The following SMARCA4 variants were observed in gnomAD, a reference collection of about 807,000 sequenced individuals.
SMARCA4 encodes the protein SWI/SNF related BAF chromatin remodeling complex subunit ATPase 4, also known as SWI/SNF-related matrix-associated actin-dependent regulator of chromatin subfamily A member 4.
Under a neutral mutation model 193.9 loss-of-function variants are expected in SMARCA4, and 31 were observed. That is an observed-to-expected ratio of 0.16 (90% CI 0.12 to 0.22). The LOEUF is 0.22. SMARCA4 is among the 10% of genes least tolerant of loss of function. SMARCA4 has a pLI of 1.00. For synonymous variants in SMARCA4, 942 were observed against 933.1 expected (o/e 1.01, Z -0.17); for missense variants, 1,148 against 2,296.0 (o/e 0.50, Z 10.22).
At chr19:11,052,997 G>A (rs999868276) in intron 30 of SMARCA4, among the ~76,000 whole-genome samples, 1 of 152,176 alleles carries the variant, frequency 6.6e-6, no homozygotes, top group Non-Finnish European at 1.5e-5. Context: ...TTCTCATCTG[G>A]CATCTGCCTC....
chr19:10,972,672 C>T lies in SMARCA4; in HGVS notation c.-31-11449C>T, dbSNP rs575574186. Among the ~76,000 whole-genome samples, 316 of 152,316 alleles carry T rather than the reference C, an allele frequency of 2.1e-3. 2 individuals carry two copies. The highest frequency in any genetic ancestry group is 7.4e-3 in the African/African-American group (306 of 41,578). On this transcript the variant is annotated intron_variant, in intron 1 of 34. Transcript: ENST00000344626. ...CTGCATCTCCCTGCCCACTCTTGGC[C>T]TTTGCATGCCTCTGTTGTGGGGACT...
intron 18 of SMARCA4, 87 bp from the exon 19 acceptor site, chr19:11,021,638 G>A (rs2146410010): frequency 1.3e-6 from 2 of 1,507,456 alleles, no homozygotes; most frequent in Non-Finnish European, 1.8e-6. Flanking sequence ...GAGCCTTCCT[G>A]GCTGCTGGGC....
chr19:11,033,721 G>A lies in SMARCA4; in HGVS notation c.3775-46G>A, dbSNP rs748541977. 1 of 780,506 alleles carries A rather than the reference G, an allele frequency of 1.3e-6. No homozygotes were observed. Among genetic ancestry groups the A allele is most frequent in the Non-Finnish European group, 2.4e-6 (1 of 419,176 alleles). The allele number at this position is 780,506 out of a possible 1,614,324, so 48.3% of individuals were successfully genotyped here. A position where few individuals can be genotyped will look rare whatever the true frequency, so the allele number is the denominator to read the frequency against. The stretch of plus-strand genomic sequence containing the variant: ...TTTTTCTAAACTGCTGGTGAAAGAC[G>A]CCGGATTGACAGCCCTGGAGACTGA... On this transcript the variant is annotated intron_variant, in intron 26 of 34. Transcript: ENST00000344626. The surrounding 1 kb of genome is among the most constrained non-coding windows in gnomAD (Gnocchi z 9.8).
intron 13 of SMARCA4, among the ~76,000 whole-genome samples, chr19:11,005,124 C>A (rs964956126): frequency 6.6e-5 from 10 of 152,226 alleles, no homozygotes; most frequent in African/African-American, 2.4e-4. Flanking sequence ...GCGTGAGCCA[C>A]CACGCCTGGC....
chr19:10,976,260 C>T (rs78469329), intron 1 of SMARCA4, among the ~76,000 whole-genome samples: 6 of 152,150 alleles, frequency 3.9e-5, no homozygotes, highest in South Asian at 2.1e-4. Flanking sequence ...CTTTCCTGGC[C>T]GTGCTCGTTT....
intron 16 of SMARCA4, among the ~76,000 whole-genome samples, chr19:11,014,798 A>G (rs2089201336): frequency 6.6e-6 from 1 of 152,000 alleles, no homozygotes; most frequent in African/African-American, 2.4e-5. Context: ...TTCATTTTGA[A>G]ATGATCTCAT....
intron 11 of SMARCA4, among the ~76,000 whole-genome samples, chr19:11,002,828 A>G (rs1749556128): frequency 6.6e-6 from 1 of 151,766 alleles, no homozygotes; most frequent in South Asian, 2.1e-4. Context: ...AAAAGAAGAA[A>G]CAAGTGTCAG....
At chr19:10,990,980 C>T (rs544873367) in intron 7 of SMARCA4, among the ~76,000 whole-genome samples, 170 bp from the exon 8 acceptor site, 2 of 152,354 alleles carry the variant, frequency 1.3e-5, no homozygotes, top group South Asian at 4.1e-4. Context: ...GTCCTGTGCT[C>T]GCCCTGCCCG....
At chr19:10,966,283 C>T (rs1402541884) in intron 1 of SMARCA4, among the ~76,000 whole-genome samples, 3 of 152,110 alleles carry the variant, frequency 2.0e-5, no homozygotes, top group Admixed American at 6.6e-5. Flanking sequence ...CGCGCCCGGC[C>T]AGGTTTTTAA....
At chr19:11,052,495 G>A (rs1408259976) in intron 30 of SMARCA4, among the ~76,000 whole-genome samples, 1 of 152,186 alleles carries the variant, frequency 6.6e-6, no homozygotes, top group Non-Finnish European at 1.5e-5. Flanking sequence ...TGGCCATACT[G>A]AGCAGCACAT....
chr19:11,013,211 T>A, intron 16 of SMARCA4, 99 bp downstream of exon 16: 1 of 1,374,098 alleles, frequency 7.3e-7, no homozygotes, highest in Non-Finnish European at 1.0e-6. Flanking sequence ...CGAGGTGGCT[T>A]AATTACAGAA....
chr19:11,028,109 A>T (rs758713659), intron 24 of SMARCA4, among the ~76,000 whole-genome samples, 159 bp downstream of exon 24: 50 of 152,116 alleles, frequency 3.3e-4, no homozygotes, highest in Non-Finnish European at 6.8e-4. Flanking sequence ...CATCTTGGGC[A>T]CTCGGCACTG....
At chr19:11,018,357 C>G in intron 16 of SMARCA4, 1 of 212,732 alleles carries the variant, frequency 4.7e-6, no homozygotes, top group Non-Finnish European at 9.6e-6. Flanking sequence ...CCACTGCATT[C>G]TGCCTGCCCC....
intron 34 of SMARCA4, among the ~76,000 whole-genome samples, chr19:11,061,204 A>AAAAAAAAATATATATAT (rs1555797070): frequency 4.4e-5 from 2 of 45,216 alleles, no homozygotes; most frequent in African/African-American, 2.3e-4. Flanking sequence ...AAAAAAAAAA[A>AAAAAAAAATATATATAT]ATATATATAT....
At chr19:11,013,682 G>C (rs1031282041) in intron 16 of SMARCA4, among the ~76,000 whole-genome samples, 29 of 152,134 alleles carry the variant, frequency 1.9e-4, no homozygotes, top group Non-Finnish European at 1.3e-4. Context: ...TCCATGCAGG[G>C]GAGTCGCAGG....
intron 19 of SMARCA4, among the ~76,000 whole-genome samples, chr19:11,022,690 G>A (rs2089966407): frequency 6.6e-6 from 1 of 152,222 alleles, no homozygotes; most frequent in South Asian, 2.1e-4. Flanking sequence ...ACCTTAGACA[G>A]GTCCAGGGCA....
At chr19:11,052,802 G>A (rs745798984) in intron 30 of SMARCA4, among the ~76,000 whole-genome samples, 12 of 152,162 alleles carry the variant, frequency 7.9e-5, no homozygotes, top group African/African-American at 2.4e-4. Context: ...ACCTGCCTGC[G>A]GCGTAGGGGA....
intron 8 of SMARCA4, among the ~76,000 whole-genome samples, chr19:10,994,318 GTTTTTT>G (rs1006312137): frequency 3.0e-5 from 3 of 98,908 alleles, no homozygotes; most frequent in African/African-American, 4.1e-5. Context: ...GATATTCTAG[GTTTTTT>G]TTTTTTTTTT....
At chr19:11,015,862 T>C (rs1171990566) in intron 16 of SMARCA4, 1 of 151,690 alleles carries the variant, frequency 6.6e-6, no homozygotes, top group Non-Finnish European at 1.5e-5. Flanking sequence ...CAAAAAAAAA[T>C]TAGCCAGGCA....
Sources: gnomAD v4.1 joint callset for allele counts (sites outside exome capture counted in the v4.1 genomes callset) on GRCh38, gnomAD v4.1.1 for gene constraint, Gnocchi (gnomAD v3.1) non-coding constraint, MANE v1.5 for transcripts, NCBI Gene and HGNC (gene_info 2026-07-23, HGNC 2026-07-21) for gene names.